WDR7: variants seen among roughly 807,000 people sequenced by gnomAD.
WDR7 encodes the protein WD repeat-containing protein 7.
In WDR7, 46 loss-of-function variants were observed where a neutral mutation model predicts 169.4. That is an observed-to-expected ratio of 0.27 (90% confidence interval 0.21 to 0.35). WDR7 has a LOEUF of 0.35. WDR7 is among the 10% of genes least tolerant of loss of function. The pLI is 1.00. For missense variants in WDR7, 1,534 were observed against 1,859.3 expected (o/e 0.83, Z 3.22); for synonymous variants, 612 against 666.8 (o/e 0.92, Z 1.27).
Position 56,781,588 on chromosome 18 carries a change from C to T in WDR7, c.3122C>T (p.Ala1041Val). The T allele has an allele frequency of 6.2e-7, 1 of 1,612,564 alleles. No homozygotes were observed. The highest frequency in any genetic ancestry group is 2.2e-5 in the East Asian group (1 of 44,734). ...LLAELRRIEQ[A>V]GRKEAIDAWA... ...GCGGAACTGAGAAGAATTGAGCAGGCAGGCAGGAAGGAAGCCATTGATGCC... is the reference window on the plus strand; with the variant it reads ...GCGGAACTGAGAAGAATTGAGCAGGTAGGCAGGAAGGAAGCCATTGATGCC... Residue 1041 changes from alanine (A) to valine (V), a missense_variant, in exon 19 of 28, where the codon GCA becomes GTA. Ala to Val is a moderately conservative substitution (Grantham distance 64). Transcript: ENST00000254442.
intron 14 of WDR7, among the ~76,000 whole-genome samples, chr18:56,740,079 G>A (rs903978751): frequency 6.6e-6 from 1 of 151,504 alleles, no homozygotes. Context: ...TTTTTCGTAG[G>A]TTTCATGTTC....
chr18:56,880,213 T>C (rs375314276), intron 21 of WDR7, 48 bp downstream of exon 21: 157 of 1,548,070 alleles, frequency 1.0e-4, no homozygotes, highest in Non-Finnish European at 1.2e-4. Context: ...TGAATACATA[T>C]TATTTGTCAG....
rs543784667 is a variant in WDR7, at chr18:56,957,769, G to T, written c.4065-4661G>T. Among the ~76,000 whole-genome samples the T allele has an allele frequency of 6.8e-4, 103 of 152,216 alleles. 1 individual carries two copies. Among genetic ancestry groups the T allele is most frequent in the African/African-American group, 2.4e-3 (98 of 41,538 alleles). The stretch of plus-strand genomic sequence containing the variant: ...CTATATTCTCTTTTGTGTACGCTTA[G>T]ATTTAAGATGGTTTCATGTGAAGCT... On this transcript the variant is annotated intron_variant, in intron 25 of 27. Transcript: ENST00000254442.
At chr18:56,985,109 G>A (rs889259155) in intron 26 of WDR7, among the ~76,000 whole-genome samples, 4 of 152,108 alleles carry the variant, frequency 2.6e-5, no homozygotes, top group African/African-American at 9.7e-5. Flanking sequence ...ACACCACAGT[G>A]TTTCTGGAGA....
intron 20 of WDR7, among the ~76,000 whole-genome samples, chr18:56,853,447 G>A (rs2045671161): frequency 6.6e-6 from 1 of 152,000 alleles, no homozygotes. Flanking sequence ...TTTATTTAAT[G>A]CAGACTGCCA....
At chr18:56,999,608 A>G (rs2047946388) in intron 26 of WDR7, among the ~76,000 whole-genome samples, 1 of 152,180 alleles carries the variant, frequency 6.6e-6, no homozygotes, top group Admixed American at 6.5e-5. Flanking sequence ...GTGGGCACTT[A>G]TCAAGGAAAG....
chr18:56,813,103 C>T (rs1163734270), intron 19 of WDR7, among the ~76,000 whole-genome samples: 1 of 150,680 alleles, frequency 6.6e-6, no homozygotes, highest in Non-Finnish European at 1.5e-5. Flanking sequence ...GTGGGTGCAG[C>T]GCACCAGCAT....
intron 21 of WDR7, among the ~76,000 whole-genome samples, chr18:56,890,399 A>T (rs770171432): frequency 6.6e-6 from 1 of 152,116 alleles, no homozygotes; most frequent in Non-Finnish European, 1.5e-5. Flanking sequence ...ATAGGTTGAG[A>T]TTGATTTTAT....
intron 19 of WDR7, among the ~76,000 whole-genome samples, chr18:56,794,279 G>A (rs1043054036): frequency 3.9e-5 from 4 of 103,422 alleles, no homozygotes; most frequent in Non-Finnish European, 6.3e-5. Flanking sequence ...ATCTGTAAAT[G>A]TTTGTGTCTT....
chr18:56,718,199 G>C (rs1568155679), intron 13 of WDR7, 40 bp downstream of exon 13: 1 of 1,414,250 alleles, frequency 7.1e-7, no homozygotes, highest in East Asian at 2.6e-5. Context: ...AAAATTAAAT[G>C]GGTGTATTTC....
intron 20 of WDR7, among the ~76,000 whole-genome samples, chr18:56,818,402 A>C (rs145778649): frequency 1.3e-5 from 2 of 152,356 alleles, no homozygotes; most frequent in East Asian, 3.9e-4. Flanking sequence ...TAATTTGAAG[A>C]GTCTATTAAT....
intron 20 of WDR7, among the ~76,000 whole-genome samples, chr18:56,863,893 G>A (rs2045844946): frequency 6.6e-6 from 1 of 151,620 alleles, no homozygotes; most frequent in African/African-American, 2.4e-5. Flanking sequence ...TTTATATCTC[G>A]AAATGTATTG....
chr18:56,742,630 A>G lies in WDR7; in HGVS notation c.1989+11033A>G, dbSNP rs2043637813. On this transcript the variant is annotated intron_variant, in intron 14 of 27. Coordinates refer to ENST00000254442, the MANE Select transcript of WDR7 (RefSeq NM_015285.3). ...ATATTTACCTTCAGAAAATACACTC[A>G]GATAAATACAATTGAATAAAGTAGC... Among the ~76,000 whole-genome samples, 5 of 152,370 alleles carry G rather than the reference A, an allele frequency of 3.3e-5. No homozygotes were observed. The South Asian group carries it at 1.0e-3, about 32-fold the overall frequency.
intron 21 of WDR7, among the ~76,000 whole-genome samples, chr18:56,922,183 T>A (rs543309636): frequency 6.6e-6 from 1 of 152,256 alleles, no homozygotes; most frequent in Non-Finnish European, 1.5e-5. Flanking sequence ...TGAAATATCA[T>A]TCTGACAAAC....
intron 14 of WDR7, among the ~76,000 whole-genome samples, chr18:56,756,026 A>G (rs1300311257): frequency 6.6e-6 from 1 of 152,204 alleles, no homozygotes; most frequent in Non-Finnish European, 1.5e-5. Flanking sequence ...ATTTGGCTAG[A>G]AGAGGAGAGA....
chr18:56,861,700 T>C (rs2045806459), intron 20 of WDR7, among the ~76,000 whole-genome samples: 1 of 152,170 alleles, frequency 6.6e-6, no homozygotes, highest in Non-Finnish European at 1.5e-5. Flanking sequence ...ACTGATTTTC[T>C]GTATTTGTCA....
intron 16 of WDR7, among the ~76,000 whole-genome samples, chr18:56,759,571 A>G (rs1003916481): frequency 3.9e-5 from 6 of 152,138 alleles, no homozygotes; most frequent in Non-Finnish European, 8.8e-5. Context: ...TTATATTCCT[A>G]TTAAGACTGA....
At chr18:56,732,966 T>C (rs1036075958) in intron 14 of WDR7, among the ~76,000 whole-genome samples, 6 of 152,176 alleles carry the variant, frequency 3.9e-5, no homozygotes, top group Non-Finnish European at 8.8e-5. Flanking sequence ...GGAAAAATAA[T>C]TATATAACTT....
intron 26 of WDR7, among the ~76,000 whole-genome samples, chr18:56,963,290 C>G (rs1423454948): frequency 6.6e-6 from 1 of 152,040 alleles, no homozygotes; most frequent in East Asian, 1.9e-4. Context: ...GTAAATAGTT[C>G]CAAGTCATAG....
Sources: allele counts gnomAD v4.1 joint callset (sites outside exome capture counted in the v4.1 genomes callset), GRCh38; gene constraint gnomAD v4.1.1; transcripts MANE v1.5; gene names NCBI Gene and HGNC (gene_info 2026-07-23, HGNC 2026-07-21).